Variants in DCHS1 observed in about 807,000 individuals in gnomAD.
The protein encoded by DCHS1 is protocadherin-16.
Under a neutral mutation model 213.9 loss-of-function variants are expected in DCHS1, and 78 were observed. That is an observed-to-expected ratio of 0.36 (90% CI 0.30 to 0.44). The LOEUF (loss-of-function observed/expected upper bound fraction) is 0.44. DCHS1 is among the 20% of genes least tolerant of loss of function. DCHS1 has a pLI of 1.00. For missense variants in DCHS1, 3,946 were observed against 4,395.9 expected (o/e 0.90, Z 2.89); for synonymous variants, 1,828 against 1,873.7 (o/e 0.98, Z 0.63).
Position 6,623,369 on chromosome 11 carries a change from C to T in DCHS1, c.8307G>A (p.Ala2769=), listed in dbSNP as rs72911011. The T allele has an allele frequency of 0.19, 307,613 of 1,596,098 alleles. 30,768 individuals carry two copies. The highest frequency in any genetic ancestry group is 0.21 in the Non-Finnish European group (242,026 of 1,171,168). ...ALNSSTGELR[A]RVPFDYEHTE... is the part of the protein sequence containing the mutation. ...TGTGCTCATAGTCAAAGGGCACTCG[C>T]GCACGCAACTCCCCTGTTGAGCTGT... is the stretch of plus-strand genomic sequence containing the variant. Residue 2769 remains alanine (A), a synonymous_variant, in exon 21 of 21, where the codon GCG becomes GCA. Transcript: ENST00000299441.
chr11:6,638,997 G>A (rs1316571605), intron 2 of DCHS1, among the ~76,000 whole-genome samples: 3 of 151,964 alleles, frequency 2.0e-5, no homozygotes, highest in African/African-American at 7.3e-5. Flanking sequence ...TGTAGTCCCA[G>A]CTACTTGGGA....
Position 6,627,020 on chromosome 11 carries a change from G to A in DCHS1, c.6019C>T (p.Pro2007Ser). 2 of 1,613,622 alleles carry A rather than the reference G, an allele frequency of 1.2e-6. No individual in the cohort carries two copies. Among genetic ancestry groups the A allele is most frequent in the Non-Finnish European group, 1.7e-6 (2 of 1,179,804 alleles). The change falls in exon 14 of 21, where the codon CCA becomes TCA. Residue 2007 changes from proline (P) to serine (S), a missense_variant. Physicochemically the swap from Pro to Ser is moderately conservative, Grantham distance 74 (BLOSUM62 -1). Transcript: ENST00000299441. The surrounding 1 kb of genome is among the most constrained non-coding windows in gnomAD (Gnocchi z 5.4). ...ASILYRLAGT[P>S]PPGTTVDSYT... is the part of the protein sequence containing the mutation. Reference sequence around the variant, plus strand: ...GAGTCCACAGTAGTGCCAGGAGGTGGTGTGCCTGCCAGCCGGTACAGAATG... The same window carrying A: ...GAGTCCACAGTAGTGCCAGGAGGTGATGTGCCTGCCAGCCGGTACAGAATG...
intron 1 of DCHS1, among the ~76,000 whole-genome samples, chr11:6,648,273 T>C (rs1010382285): frequency 1.3e-5 from 2 of 152,074 alleles, no homozygotes; most frequent in Non-Finnish European, 2.9e-5. Context: ...GACAGAACCC[T>C]GAGAACTAGT....
intron 6 of DCHS1, 35 bp downstream of exon 6, chr11:6,631,996 C>T: frequency 6.7e-7 from 1 of 1,495,994 alleles, no homozygotes; most frequent in East Asian, 2.3e-5. Flanking sequence ...GGGGATAAGG[C>T]TATGCGGTCT....
intron 2 of DCHS1, among the ~76,000 whole-genome samples, chr11:6,636,528 C>T (rs1331928226): frequency 6.6e-6 from 1 of 152,052 alleles, no homozygotes; most frequent in Non-Finnish European, 1.5e-5. Context: ...TTTTTTAAGA[C>T]AGGCTCTCAC....
chr11:6,624,417 A>G, intron 20 of DCHS1, 27 bp from the exon 21 acceptor site: 1 of 1,522,258 alleles, frequency 6.6e-7, no homozygotes, highest in Non-Finnish European at 8.8e-7. Context: ...AGGGAAAGAA[A>G]TATATTCAGC....
At chr11:6,649,698 C>T (rs1032283900) in intron 1 of DCHS1, among the ~76,000 whole-genome samples, 6 of 152,122 alleles carry the variant, frequency 3.9e-5, no homozygotes, top group South Asian at 2.1e-4. Flanking sequence ...TCGGCAGGGA[C>T]GGGCAGGGCA....
chr11:6,626,051 T>A lies in DCHS1; in HGVS notation c.6600A>T (p.Gln2200His). The change falls in exon 17 of 21, where the codon CAA (glutamine) becomes CAT (histidine). Residue 2200 changes from glutamine (Q) to histidine (H), a missense_variant. Physicochemically the swap from Gln to His is conservative, Grantham distance 24. Transcript: ENST00000299441. This position sits in a 1 kb window ranked among gnomAD's most constrained non-coding sequence, Gnocchi z 5.2. Reference protein sequence around the residue: ...LLQVEADDLDQGSGGQISYSL... With the variant: ...LLQVEADDLDHGSGGQISYSL... ...TGTAGGAAATCTGTCCTCCAGAGCC[T>A]TGATCCAGGTCATCCGCCTCCACCT... The A allele has an allele frequency of 6.2e-7, 1 of 1,611,432 alleles. No individual in the cohort carries two copies. Among genetic ancestry groups the A allele is most frequent in the Non-Finnish European group, 8.5e-7 (1 of 1,178,790 alleles).
At chr11:6,634,064 C>A in intron 3 of DCHS1, 44 bp from the exon 4 acceptor site, 1 of 1,604,492 alleles carries the variant, frequency 6.2e-7, no homozygotes, top group South Asian at 1.1e-5. Context: ...CTCATCTGGC[C>A]CTGGTGAGTG....
chr11:6,622,516 C>G lies in DCHS1; in HGVS notation c.9160G>C (p.Ala3054Pro). ...GCAGCCAGAGAGGAGGCCACACTGG[C>G]CACACGGGGGAACTCATTGATCATG... ...IRMINEFPRV[A>P]SVASSLAARG... Residue 3054 changes from alanine to proline, a missense_variant, in exon 21 of 21, where the codon GCC (alanine) becomes CCC (proline). Coordinates refer to ENST00000299441, the MANE Select transcript of DCHS1 (RefSeq NM_003737.4). The surrounding 1 kb of genome is among the most constrained non-coding windows in gnomAD (Gnocchi z 5.4). 1 of 1,578,062 alleles carries G rather than the reference C, an allele frequency of 6.3e-7. No individual in the cohort carries two copies. The highest frequency in any genetic ancestry group is 8.6e-7 in the Non-Finnish European group (1 of 1,162,458).
chr11:6,622,833 A>G lies in DCHS1; in HGVS notation c.8843T>C (p.Val2948Ala), dbSNP rs766854325. Residue 2948 changes from valine (V) to alanine (A), a missense_variant, in exon 21 of 21, where the codon GTG becomes GCG. Coordinates refer to ENST00000299441, the MANE Select transcript of DCHS1 (RefSeq NM_003737.4). The surrounding 1 kb of genome is among the most constrained non-coding windows in gnomAD (Gnocchi z 5.4). ...VGAVAASLGV[V>A]VVLALAALVL... ...CAGGGCTGCCAGTGCAAGCACCACCACAACTCCCAAGGAGGCTGCCACGGC... is the reference window on the plus strand; with the variant it reads ...CAGGGCTGCCAGTGCAAGCACCACCGCAACTCCCAAGGAGGCTGCCACGGC... 1 of 1,595,110 alleles carries G rather than the reference A, an allele frequency of 6.3e-7. No individual in the cohort carries two copies.
At position 6,631,739 on chromosome 11, in the gene DCHS1, C is replaced by T. The variant is rs577234399; in HGVS notation, c.3552G>A (p.Gln1184=). 6.8e-6 allele frequency: 11 copies of T among 1,606,978 alleles called. No individual in the cohort carries two copies. The Admixed American group carries it at 1.0e-4, about 15-fold the overall frequency. Reference sequence around the variant, plus strand: ...TGCTGCGGGGTGGGCTCCCTCCATCCTGCACCTGCACCAGGAGCTGATAGC... The same window carrying T: ...TGCTGCGGGGTGGGCTCCCTCCATCTTGCACCTGCACCAGGAGCTGATAGC... ...QSSYQLLVQV[Q]DGGSPPRSTT... is the part of the protein sequence containing the mutation. The change falls in exon 7 of 21, where the codon CAG becomes CAA. Residue 1184 remains glutamine (Q), a synonymous_variant. Transcript: ENST00000299441.
At position 6,628,696 on chromosome 11, in the gene DCHS1, G is replaced by T. The variant is rs769759550; in HGVS notation, c.5296C>A (p.Pro1766Thr). ...LSLEVPEGQD[P>T]QTLTMLRASD... ...GCCCGAAGCATGGTAAGGGTCTGGG[G>T]GTCCTGGCCCTCAGGCACCTCCAGA... The change falls in exon 13 of 21, where the codon CCC becomes ACC. Residue 1766 changes from proline to threonine, a missense_variant. This residue lies in a region of DCHS1 where 3,384 missense variants were observed against 3,780.1 expected (regional missense o/e 0.90). Transcript: ENST00000299441. The surrounding 1 kb of genome is among the most constrained non-coding windows in gnomAD (Gnocchi z 4.3). The T allele has an allele frequency of 2.5e-6, 4 of 1,614,010 alleles. No individual in the cohort carries two copies. The highest frequency in any genetic ancestry group is 3.3e-4 in the Middle Eastern group (2 of 6,062).
At chr11:6,644,031 T>A (rs1168192925) in intron 1 of DCHS1, among the ~76,000 whole-genome samples, 1 of 152,170 alleles carries the variant, frequency 6.6e-6, no homozygotes, top group Non-Finnish European at 1.5e-5. Context: ...AGTCCGAACA[T>A]CTCTCCTTGT....
chr11:6,631,210 C>T lies in DCHS1; in HGVS notation c.3773G>A (p.Gly1258Asp). The change falls in exon 9 of 21, where the codon GGT becomes GAT. Residue 1258 changes from glycine (G) to aspartate (D), a missense_variant and splice_region_variant. Transcript: ENST00000299441. ...ENGTILYTLT[G>D]PGSELFSLHP... ...CAGAGAGAAAAGCTCTGAGCCAGGA[C>T]CTGGGGACAGGCAGAGGAAGATGAG... is the stretch of plus-strand genomic sequence containing the variant. 1.2e-6 allele frequency: 2 copies of T among 1,611,830 alleles called. No homozygotes were observed. Among genetic ancestry groups the T allele is most frequent in the South Asian group, 1.1e-5 (1 of 91,052 alleles).
Position 6,641,684 on chromosome 11 carries a change from C to T in DCHS1, c.-71G>A, listed in dbSNP as rs1856078300. The T allele has an allele frequency of 3.4e-6, 5 of 1,470,084 alleles. No homozygotes were observed. Among genetic ancestry groups the T allele is most frequent in the Non-Finnish European group, 1.8e-6 (2 of 1,107,818 alleles). 91.1% of individuals were successfully genotyped at this position (1,470,084 alleles called of 1,614,324 possible). ...GCTCTGGGCCCAGCTTGACCTCAGACTTTGGGTCAGGTCCCACTGGGGCCC... is the reference window on the plus strand; with the variant it reads ...GCTCTGGGCCCAGCTTGACCTCAGATTTTGGGTCAGGTCCCACTGGGGCCC... On this transcript the variant is annotated 5_prime_UTR_variant, in exon 2 of 21. Transcript: ENST00000299441. This position sits in a 1 kb window ranked among gnomAD's most constrained non-coding sequence, Gnocchi z 7.1.
At position 6,628,714 on chromosome 11, in the gene DCHS1, C is replaced by T; in HGVS notation, c.5278G>A (p.Val1760Met). Residue 1760 changes from valine (V) to methionine (M), a missense_variant, in exon 13 of 21, where the codon GTG becomes ATG. Transcript: ENST00000299441. The surrounding 1 kb of genome is among the most constrained non-coding windows in gnomAD (Gnocchi z 4.3). ...GTCTGGGGGTCCTGGCCCTCAGGCA[C>T]CTCCAGAGAGAGATGGGCACTCCCA... ...TFGSAHLSLE[V>M]PEGQDPQTLT... 6.2e-7 allele frequency: 1 copy of T among 1,614,030 alleles called. No individual in the cohort carries two copies. Among genetic ancestry groups the T allele is most frequent in the Non-Finnish European group, 8.5e-7 (1 of 1,179,898 alleles).
chr11:6,623,714 C>T lies in DCHS1; in HGVS notation c.7962G>A (p.Glu2654=), dbSNP rs138385521. 3.7e-6 allele frequency: 6 copies of T among 1,613,754 alleles called. No individual in the cohort carries two copies. Among genetic ancestry groups the T allele is most frequent in the Non-Finnish European group, 5.1e-6 (6 of 1,179,898 alleles). ...GDPSGLFELD[E]SSGTLRLAHA... is the part of the protein sequence containing the mutation. ...GGGCCAGTCGCAAGGTGCCTGAGCT[C>T]TCATCCAGCTCAAAGAGCCCTGATG... The change falls in exon 21 of 21, where the codon GAG becomes GAA. Residue 2654 remains glutamate, a synonymous_variant. Coordinates refer to ENST00000299441, the MANE Select transcript of DCHS1 (RefSeq NM_003737.4).
intron 19 of DCHS1, 81 bp from the exon 20 acceptor site, chr11:6,624,949 C>A: frequency 6.3e-7 from 1 of 1,574,952 alleles, no homozygotes; most frequent in East Asian, 2.3e-5. Flanking sequence ...AGCTTGGTTC[C>A]TTGTGCCCTG....
Sources: gnomAD v4.1 joint callset for allele counts (sites outside exome capture counted in the v4.1 genomes callset) on GRCh38, gnomAD v4.1.1 for gene constraint, gnomAD v4.1.1 regional missense constraint, Gnocchi (gnomAD v3.1) non-coding constraint, MANE v1.5 for transcripts, NCBI Gene and HGNC (gene_info 2026-07-23, HGNC 2026-07-21) for gene names.